ACAP2: variants seen among roughly 807,000 people sequenced by gnomAD.
The protein encoded by ACAP2 is arf-GAP with coiled-coil, ANK repeat and PH domain-containing protein 2.
In ACAP2, 39 loss-of-function variants were observed where a neutral mutation model predicts 115.8. The ratio of observed to expected loss-of-function variants is 0.34; its 90% CI spans 0.26 to 0.44. The LOEUF (loss-of-function observed/expected upper bound fraction) is 0.44, where lower values mean the gene tolerates loss of function less well. Among genes scored for constraint, ACAP2 ranks in the 20% least tolerant of loss-of-function variants. The pLI, the probability that ACAP2 is intolerant of heterozygous loss-of-function variation, is 1.00. For synonymous variants in ACAP2, 289 were observed against 315.8 expected, an observed-to-expected ratio of 0.92 and a Z score of 0.90; for missense variants, 662 against 927.6, an observed-to-expected ratio of 0.71 and a Z score of 3.72.
chr3:195,343,806 GA>G (rs978390457), intron 5 of ACAP2, among the ~76,000 whole-genome samples: 3 of 152,138 alleles, frequency 2.0e-5, no homozygotes, highest in Non-Finnish European at 4.4e-5. Flanking sequence ...GAAGACAAAT[GA>G]TTTTATAAAA....
chr3:195,311,159 C>T (rs1342636639), intron 10 of ACAP2, among the ~76,000 whole-genome samples: 5 of 143,700 alleles, frequency 3.5e-5, no homozygotes, highest in Non-Finnish European at 7.5e-5. Context: ...TGCAGGGGTG[C>T]GATCTTGGCT....
rs1726140160 is a variant in ACAP2, at chr3:195,274,889, C to T, written c.*4439G>A. On this transcript the variant is annotated 3_prime_UTR_variant, in exon 23 of 23. Coordinates refer to ENST00000326793, the MANE Select transcript of ACAP2 (RefSeq NM_012287.6). ...ACAATGACAAACTACTGTAAAACTA[C>T]ATTCATGAATTAGATACAAATCCTC... The T allele has an allele frequency of 6.6e-6, 1 of 152,592 alleles. No individual in the cohort carries two copies. The highest frequency in any genetic ancestry group is 1.5e-5 in the Non-Finnish European group (1 of 68,032). 9.5% of individuals were successfully genotyped at this position (152,592 alleles called of 1,614,324 possible). A position where few individuals can be genotyped will look rare whatever the true frequency, so the allele number is the denominator to read the frequency against.
rs952046448 is a variant in ACAP2, at chr3:195,384,106, C to T, written c.112-2084G>A. On this transcript the variant is annotated intron_variant, in intron 2 of 22. Transcript: ENST00000326793. ...TTAAAACATACATACCTTCTAACTTCGCAATTTCACTTTTTAAAATGTATT... is the reference window on the plus strand; with the variant it reads ...TTAAAACATACATACCTTCTAACTTTGCAATTTCACTTTTTAAAATGTATT... Among the ~76,000 whole-genome samples the T allele has an allele frequency of 3.9e-5, 6 of 152,122 alleles. No homozygotes were observed. In the East Asian group the frequency reaches 5.8e-4, roughly 15 times the overall value.
chr3:195,307,637 C>T (rs1728505866), intron 11 of ACAP2, among the ~76,000 whole-genome samples: 1 of 152,150 alleles, frequency 6.6e-6, no homozygotes, highest in Admixed American at 6.6e-5. Flanking sequence ...TTTATATTCA[C>T]TCTCCTGGTC....
At chr3:195,380,837 C>T (rs753436554) in intron 4 of ACAP2, among the ~76,000 whole-genome samples, 172 bp downstream of exon 4, 14 of 152,132 alleles carry the variant, frequency 9.2e-5, no homozygotes, top group South Asian at 2.1e-4. Context: ...TGCACACACA[C>T]ACTCACACAC....
At chr3:195,375,917 T>C (rs116212125) in intron 4 of ACAP2, among the ~76,000 whole-genome samples, 63 of 152,260 alleles carry the variant, frequency 4.1e-4, no homozygotes, top group African/African-American at 1.5e-3. Context: ...AAATATCAAA[T>C]AAATATTCCA....
At chr3:195,281,869 TATAA>T (rs1169530324) in intron 22 of ACAP2, among the ~76,000 whole-genome samples, 1 of 152,248 alleles carries the variant, frequency 6.6e-6, no homozygotes, top group African/African-American at 2.4e-5. Context: ...TTGTAAACAT[TATAA>T]ATATTTTTAA....
chr3:195,320,819 C>A lies in ACAP2; in HGVS notation c.745-6G>T, dbSNP rs775997885. The A allele has an allele frequency of 4.3e-5, 69 of 1,587,146 alleles. 1 individual carries two copies. The South Asian group carries it at 6.8e-4, about 16-fold the overall frequency. ...GAATCATCACTGGAGAAATCCTACA[C>A]AAAATAACACATAAAGAAGTTCATA... is the stretch of plus-strand genomic sequence containing the variant. On this transcript the variant is annotated splice_region_variant and splice_polypyrimidine_tract_variant and intron_variant, in intron 9 of 22. Coordinates refer to ENST00000326793, the MANE Select transcript of ACAP2 (RefSeq NM_012287.6).
intron 1 of ACAP2, among the ~76,000 whole-genome samples, chr3:195,397,468 C>T (rs923869278): frequency 2.0e-5 from 3 of 152,062 alleles, no homozygotes; most frequent in African/African-American, 7.2e-5. Context: ...ACTCTAGAAA[C>T]CTGCTTTTTA....
At chr3:195,399,657 T>C (rs1712104328) in intron 1 of ACAP2, among the ~76,000 whole-genome samples, 1 of 151,710 alleles carries the variant, frequency 6.6e-6, no homozygotes, top group South Asian at 2.1e-4. Flanking sequence ...CCTCAAATTT[T>C]CCCCCATCAA....
intron 5 of ACAP2, 140 bp from the exon 6 acceptor site, chr3:195,342,794 G>A (rs1241489620): frequency 1.8e-6 from 1 of 556,304 alleles, no homozygotes; most frequent in Non-Finnish European, 3.1e-6. Flanking sequence ...AAGAGATCGA[G>A]ACCATCCTGG....
At chr3:195,403,677 C>G (rs1392076328) in intron 1 of ACAP2, among the ~76,000 whole-genome samples, 1 of 152,182 alleles carries the variant, frequency 6.6e-6, no homozygotes, top group Admixed American at 6.5e-5. Context: ...TTCAAAGTTT[C>G]AGGCTGGAGC....
rs573161601 is a variant in ACAP2, at chr3:195,374,738, G to A, written c.285+6271C>T. On this transcript the variant is annotated intron_variant, in intron 4 of 22. Coordinates refer to ENST00000326793, the MANE Select transcript of ACAP2 (RefSeq NM_012287.6). ...TTTCTTTTCTTTTCTTTTTTGAGAC[G>A]GAGTCACGCTCTGTCGCCCAGGCTG... Among the ~76,000 whole-genome samples the A allele has an allele frequency of 1.8e-4, 22 of 123,486 alleles. 1 individual carries two copies. In the East Asian group the frequency reaches 3.6e-3, roughly 20 times the overall value. The allele number at this position is 123,486 out of a possible 152,430, so 81.0% of individuals were successfully genotyped here.
At chr3:195,410,273 G>C (rs1168324998) in intron 1 of ACAP2, among the ~76,000 whole-genome samples, 5 of 152,090 alleles carry the variant, frequency 3.3e-5, no homozygotes, top group Non-Finnish European at 7.4e-5. Flanking sequence ...TAACTCAAAA[G>C]AGATCCATGA....
At position 195,285,776 on chromosome 3, in the gene ACAP2, G is replaced by T; in HGVS notation, c.2236+20C>A. The T allele has an allele frequency of 6.3e-7, 1 of 1,585,790 alleles. No homozygotes were observed. Among genetic ancestry groups the T allele is most frequent in the Middle Eastern group, 1.7e-4 (1 of 5,986 alleles). ...ATTTCTTATACTGCATTTCAGTATGGTTATTAGTAGAATATTGACCTGGCT... is the reference window on the plus strand; with the variant it reads ...ATTTCTTATACTGCATTTCAGTATGTTTATTAGTAGAATATTGACCTGGCT... On this transcript the variant is annotated intron_variant, in intron 22 of 22. Transcript: ENST00000326793.
At position 195,439,593 on chromosome 3, in the gene ACAP2, A is replaced by T. The variant is rs542200580; in HGVS notation, c.53+3202T>A. ...ATTTCAAATAGATATTCACTTCCTAAGTAAAACAGAATACATTTTGGGTTT... is the reference window on the plus strand; with the variant it reads ...ATTTCAAATAGATATTCACTTCCTATGTAAAACAGAATACATTTTGGGTTT... On this transcript the variant is annotated intron_variant, in intron 1 of 22. Transcript: ENST00000326793. Among the ~76,000 whole-genome samples, 6 of 151,926 alleles carry T rather than the reference A, an allele frequency of 3.9e-5. No homozygotes were observed. The South Asian group carries it at 1.2e-3, about 32-fold the overall frequency.
chr3:195,346,811 T>C (rs1731216248), intron 4 of ACAP2, among the ~76,000 whole-genome samples: 1 of 152,156 alleles, frequency 6.6e-6, no homozygotes, highest in Non-Finnish European at 1.5e-5. Flanking sequence ...CTATGATACA[T>C]TCAAACAGCA....
At chr3:195,332,893 T>C (rs1474680855) in intron 8 of ACAP2, 135 bp downstream of exon 8, 19 of 561,772 alleles carry the variant, frequency 3.4e-5, no homozygotes, top group Middle Eastern at 3.1e-4. Flanking sequence ...CTCTTTCCTT[T>C]CTAGATTACC....
At chr3:195,304,276 T>C (rs114999954) in intron 13 of ACAP2, among the ~76,000 whole-genome samples, 3,932 of 151,546 alleles carry the variant, frequency 0.026, 147 homozygotes, top group African/African-American at 0.086. Flanking sequence ...TAATGGGAAT[T>C]AGCAATTATG....
Sources: allele counts gnomAD v4.1 joint callset (sites outside exome capture counted in the v4.1 genomes callset), GRCh38; gene constraint gnomAD v4.1.1; transcripts MANE v1.5; gene names NCBI Gene and HGNC (gene_info 2026-07-23, HGNC 2026-07-21).